The following EGFL7 variants were observed in gnomAD, a reference collection of about 807,000 sequenced individuals.
EGFL7 encodes epidermal growth factor-like protein 7.
In EGFL7, 48 loss-of-function variants were observed where a neutral mutation model predicts 37.1. That is an observed-to-expected ratio of 1.29 (90% CI 1.03 to 1.65). The LOEUF (loss-of-function observed/expected upper bound fraction) is 1.65. EGFL7 is among the 40% of genes most tolerant of loss of function. The pLI is 0.00. For missense variants in EGFL7, 384 were observed against 378.9 expected, an observed-to-expected ratio of 1.01 and a Z score of -0.11; for synonymous variants, 180 against 156.8, an observed-to-expected ratio of 1.15 and a Z score of -1.10.
At chr9:136,664,167 C>G (rs1845317503) in intron 2 of EGFL7, among the ~76,000 whole-genome samples, 1 of 152,188 alleles carries the variant, frequency 6.6e-6, no homozygotes, top group Admixed American at 6.5e-5. Flanking sequence ...ATGAGGAACG[C>G]CCCCTGACAG....
chr9:136,672,169 G>C, intron 10 of EGFL7, 81 bp downstream of exon 10: 1 of 1,597,190 alleles, frequency 6.3e-7, no homozygotes, highest in Non-Finnish European at 8.5e-7. Flanking sequence ...CTTGGGGGTC[G>C]GGGGCGACCA....
upstream of EGFL7, among the ~76,000 whole-genome samples, chr9:136,661,350 G>A (rs1845135031): frequency 6.6e-6 from 1 of 152,198 alleles, no homozygotes; most frequent in Non-Finnish European, 1.5e-5. Flanking sequence ...GGGTGGGAGA[G>A]CCAGGGGGCC....
chr9:136,668,358 C>A lies in EGFL7; in HGVS notation c.76C>A (p.Pro26Thr). ...GGGCGGCACAGAGCACGCCTACCGGCCCGGGTGAGCCAAGCCCTAGCCTGG... is the reference window on the plus strand; with the variant it reads ...GGGCGGCACAGAGCACGCCTACCGGACCGGGTGAGCCAAGCCCTAGCCTGG... ...AVGGTEHAYRPGRRVCAVRAH... is the reference protein window; with the variant it reads ...AVGGTEHAYRTGRRVCAVRAH... Residue 26 changes from proline (P) to threonine (T), a missense_variant, in exon 4 of 11, where the codon CCC (proline) becomes ACC (threonine). Physicochemically the swap from Pro to Thr is conservative, Grantham distance 38. Coordinates refer to ENST00000308874, the MANE Select transcript of EGFL7 (RefSeq NM_016215.5). 2 of 1,596,310 alleles carry A rather than the reference C, an allele frequency of 1.3e-6. No homozygotes were observed. The highest frequency in any genetic ancestry group is 1.7e-6 in the Non-Finnish European group (2 of 1,171,174).
At position 136,669,990 on chromosome 9, in the gene EGFL7, G is replaced by A; in HGVS notation, c.390G>A (p.Arg130=). 1 of 1,600,252 alleles carries A rather than the reference G, an allele frequency of 6.2e-7. No homozygotes were observed. Among genetic ancestry groups the A allele is most frequent in the African/African-American group, 1.3e-5 (1 of 74,878 alleles). ...GCTGCCGCTGCCCTGCAGGATGGCG[G>A]GGTGACACTTGCCAGTCAGGTGAGG... ...PGRCRCPAGW[R]GDTCQSDVDE... Residue 130 remains arginine, a synonymous_variant, in exon 7 of 11, where the codon CGG becomes CGA. Coordinates refer to ENST00000308874, the MANE Select transcript of EGFL7 (RefSeq NM_016215.5).
chr9:136,668,674 G>T lies in EGFL7; in HGVS notation c.197+1G>T. The T allele has an allele frequency of 6.2e-7, 1 of 1,600,148 alleles. No individual in the cohort carries two copies. On this transcript the variant is annotated splice_donor_variant, in intron 5 of 10. Transcript: ENST00000308874. LOFTEE classifies it high-confidence loss of function. ...GGCACCGGGCCTGCAGCACCTACCG[G>T]TGAGTGCCCCACCACACCGAGCTCA...
intron 3 of EGFL7, among the ~76,000 whole-genome samples, chr9:136,667,302 T>A (rs1220069230): frequency 2.0e-5 from 3 of 152,116 alleles, no homozygotes; most frequent in Non-Finnish European, 4.4e-5. Flanking sequence ...GGCCCTGCAG[T>A]GCCTCGGAAG....
chr9:136,669,533 G>A, intron 5 of EGFL7, 73 bp from the exon 6 acceptor site: 2 of 1,116,976 alleles, frequency 1.8e-6, no homozygotes, highest in Non-Finnish European at 2.6e-6. Flanking sequence ...ACTCTGAGAG[G>A]GGACTCTAGA....
chr9:136,670,325 C>T lies in EGFL7; in HGVS notation c.566C>T (p.Pro189Leu), dbSNP rs760652220. The stretch of plus-strand genomic sequence containing the variant: ...GGGCCCCCCAGGGTGGCCCCCAACC[C>T]GACAGGTAAACAGCCCTGGCTGTGC... ...KGGPPRVAPN[P>L]TGVDSAMKEE... is the part of the protein sequence containing the mutation. Residue 189 changes from proline (P) to leucine (L), a missense_variant, in exon 8 of 11, where the codon CCG becomes CTG. Pro to Leu is a moderately conservative substitution (Grantham distance 98). Transcript: ENST00000308874. 3.1e-5 allele frequency: 48 copies of T among 1,570,342 alleles called. No individual in the cohort carries two copies. Among genetic ancestry groups the T allele is most frequent in the Non-Finnish European group, 3.7e-5 (43 of 1,154,994 alleles).
intron 8 of EGFL7, 50 bp downstream of exon 8, chr9:136,670,380 C>A (rs1253802301): frequency 4.7e-6 from 7 of 1,499,468 alleles, no homozygotes; most frequent in Non-Finnish European, 6.3e-6. Context: ...AGGCAGTGGA[C>A]ATTGCCGTGT....
chr9:136,665,536 C>A (rs1399334414), intron 3 of EGFL7, among the ~76,000 whole-genome samples: 1 of 152,166 alleles, frequency 6.6e-6, no homozygotes, highest in African/African-American at 2.4e-5. Flanking sequence ...GCGCAGCGAG[C>A]GCCCTGCCGC....
At position 136,670,198 on chromosome 9, in the gene EGFL7, G is replaced by A. The variant is rs745313275; in HGVS notation, c.439G>A (p.Gly147Ser). ...GGATGAATGCAGTGCTAGGAGGGGCGGCTGTCCCCAGCGCTGCGTCAACAC... is the reference window on the plus strand; with the variant it reads ...GGATGAATGCAGTGCTAGGAGGGGCAGCTGTCCCCAGCGCTGCGTCAACAC... ...DVDECSARRG[G>S]CPQRCVNTAG... The change falls in exon 8 of 11, where the codon GGC becomes AGC. Residue 147 changes from glycine (G) to serine (S), a missense_variant. Physicochemically the swap from Gly to Ser is moderately conservative, Grantham distance 56. Transcript: ENST00000308874. 58 of 1,612,490 alleles carry A rather than the reference G, an allele frequency of 3.6e-5. No individual in the cohort carries two copies. Among genetic ancestry groups the A allele is most frequent in the South Asian group, 2.2e-5 (2 of 91,080 alleles).
In EGFL7 at chr9:136,672,391, C is replaced by T. The variant is rs1213446730; in HGVS notation, c.*105C>T. 2.1e-5 allele frequency: 31 copies of T among 1,459,442 alleles called. No homozygotes were observed. The highest frequency in any genetic ancestry group is 3.5e-4 in the Middle Eastern group (2 of 5,724). The allele number at this position is 1,459,442 out of a possible 1,614,324, so 90.4% of individuals were successfully genotyped here. A position where few individuals can be genotyped will look rare whatever the true frequency, so the allele number is the denominator to read the frequency against. On this transcript the variant is annotated 3_prime_UTR_variant, in exon 11 of 11. Transcript: ENST00000308874. ...CAGAAACCACCTCGGGGTGACTGAGCGGAAGGCCAGGCAGGGCCTTCCTCC... is the reference window on the plus strand; with the variant it reads ...CAGAAACCACCTCGGGGTGACTGAGTGGAAGGCCAGGCAGGGCCTTCCTCC...
Position 136,663,535 on chromosome 9 carries a change from C to G in EGFL7, c.-225C>G, listed in dbSNP as rs1002200452. ...TTCTCCCTAGCAGTGGATGAGCAAC[C>G]CAACGGGGGCCCGGGGAGGGGAACT... On this transcript the variant is annotated 5_prime_UTR_variant, in exon 2 of 11. Coordinates refer to ENST00000308874, the MANE Select transcript of EGFL7 (RefSeq NM_016215.5). 1 of 152,360 alleles carries G rather than the reference C, an allele frequency of 6.6e-6. No homozygotes were observed. Among genetic ancestry groups the G allele is most frequent in the African/African-American group, 2.4e-5 (1 of 41,470 alleles). The allele number at this position is 152,360 out of a possible 1,614,324, so 9.4% of individuals were successfully genotyped here.
At chr9:136,671,817 A>G (rs903913737) in intron 9 of EGFL7, 109 bp from the exon 10 acceptor site, 3 of 1,353,144 alleles carry the variant, frequency 2.2e-6, no homozygotes, top group Non-Finnish European at 2.9e-6. Context: ...CCTGCCGCGG[A>G]GGCGGGGGCT....
intron 2 of EGFL7, among the ~76,000 whole-genome samples, chr9:136,663,860 A>C (rs113684152): frequency 1.9e-3 from 295 of 152,092 alleles, no homozygotes; most frequent in African/African-American, 6.9e-3. Context: ...CCCACTTTCC[A>C]AATGGTGCCT....
At position 136,666,691 on chromosome 9, in the gene EGFL7, CCGCCCTGGCAT is replaced by C. The variant is rs1845499991; in HGVS notation, c.-42-1548_-42-1538del. ...CTGGGAGATTCGCCTACCCCCAGGC[CCGCCCTGGCAT>C]CCCCCTGCCCACATCAAGCCGCCGG... On this transcript the variant is annotated intron_variant, in intron 3 of 10. Coordinates refer to ENST00000308874, the MANE Select transcript of EGFL7 (RefSeq NM_016215.5). The surrounding 1 kb of genome is among the most constrained non-coding windows in gnomAD (Gnocchi z 6.8). Among the ~76,000 whole-genome samples, 1 of 152,136 alleles carries C rather than the reference CCGCCCTGGCAT, an allele frequency of 6.6e-6. No individual in the cohort carries two copies. The highest frequency in any genetic ancestry group is 2.4e-5 in the African/African-American group (1 of 41,416).
intron 10 of EGFL7, 71 bp from the exon 11 acceptor site, chr9:136,672,193 C>T: frequency 6.2e-7 from 1 of 1,611,000 alleles, no homozygotes; most frequent in Non-Finnish European, 8.5e-7. Context: ...GCCAAGGGGC[C>T]AGTCAGATCT....
Position 136,670,954 on chromosome 9 carries a change from G to A in EGFL7, c.576G>A (p.Val192=), listed in dbSNP as rs781589484. 2 of 1,559,092 alleles carry A rather than the reference G, an allele frequency of 1.3e-6. No homozygotes were observed. The highest frequency in any genetic ancestry group is 2.4e-5 in the South Asian group (2 of 85,022). ...PPRVAPNPTG[V]DSAMKEEVQR... is the part of the protein sequence containing the mutation. ...AGCGCCTGGCTCTGCCCGCAGGAGT[G>A]GACAGTGCAATGAAGGAAGAAGTGC... Residue 192 remains valine, a synonymous_variant, in exon 9 of 11, where the codon GTG becomes GTA. Transcript: ENST00000308874.
chr9:136,664,368 C>T (rs1321305108), intron 2 of EGFL7, among the ~76,000 whole-genome samples: 1 of 152,232 alleles, frequency 6.6e-6, no homozygotes, highest in Non-Finnish European at 1.5e-5. Context: ...TCGGACCCAT[C>T]TGCAGGCCCC....
Sources: allele counts gnomAD v4.1 joint callset (sites outside exome capture counted in the v4.1 genomes callset), GRCh38; gene constraint gnomAD v4.1.1; non-coding constraint Gnocchi (gnomAD v3.1); transcripts MANE v1.5; gene names NCBI Gene and HGNC (gene_info 2026-07-23, HGNC 2026-07-21).